Variants in PCSK9 observed in about 807,000 individuals in gnomAD.
PCSK9 encodes the protein proprotein convertase subtilisin/kexin type 9.
Under a neutral mutation model 62.1 loss-of-function variants are expected in PCSK9, and 57 were observed. The observed-to-expected ratio is 0.92, with a 90% confidence interval of 0.74 to 1.14. The LOEUF (loss-of-function observed/expected upper bound fraction) is 1.14. Among genes scored for constraint, PCSK9 ranks in the 50% most tolerant of loss-of-function variants. The pLI, the probability that PCSK9 is intolerant of heterozygous loss-of-function variation, is 0.00. For synonymous variants in PCSK9, 387 were observed against 409.4 expected (o/e 0.95, Z 0.66); for missense variants, 870 against 959.8 (o/e 0.91, Z 1.24).
At chr1:55,061,860 C>G (rs1221714120) in intron 11 of PCSK9, among the ~76,000 whole-genome samples, 1 of 152,196 alleles carries the variant, frequency 6.6e-6, no homozygotes, top group East Asian at 1.9e-4. Flanking sequence ...ATTGATTGAT[C>G]TATTTTTTTC....
Position 55,046,591 on chromosome 1 carries a change from G to A in PCSK9, c.468G>A (p.Trp156Ter), listed in dbSNP as rs1557500771. Residue 156 changes from tryptophan to a stop codon, truncating the protein, a stop_gained, in exon 3 of 12, where the codon TGG becomes TGA. Coordinates refer to ENST00000302118, the MANE Select transcript of PCSK9 (RefSeq NM_174936.4). LOFTEE classifies it high-confidence loss of function. ...CTGTCTTTGCCCAGAGCATCCCGTGGAACCTGGAGCGGATTACCCCTCCAC... is the reference window on the plus strand; with the variant it reads ...CTGTCTTTGCCCAGAGCATCCCGTGAAACCTGGAGCGGATTACCCCTCCAC... ...DSSVFAQSIP[W>*]NLERITPPRY... 3 of 1,614,182 alleles carry A rather than the reference G, an allele frequency of 1.9e-6. No homozygotes were observed. The highest frequency in any genetic ancestry group is 2.5e-6 in the Non-Finnish European group (3 of 1,180,044).
chr1:55,054,594 A>G (rs1391133306), intron 5 of PCSK9, among the ~76,000 whole-genome samples: 3 of 152,132 alleles, frequency 2.0e-5, no homozygotes, highest in Non-Finnish European at 4.4e-5. Flanking sequence ...CCCACACCTC[A>G]TTTGACAGGG....
chr1:55,047,215 C>T (rs1376138324), intron 3 of PCSK9, among the ~76,000 whole-genome samples: 1 of 152,158 alleles, frequency 6.6e-6, no homozygotes, highest in East Asian at 1.9e-4. Context: ...GGAGGAGGAG[C>T]GGCCATGGAA....
intron 3 of PCSK9, among the ~76,000 whole-genome samples, chr1:55,047,786 T>C (rs1381798470): frequency 1.3e-5 from 2 of 152,152 alleles, no homozygotes; most frequent in African/African-American, 2.4e-5. Flanking sequence ...GTCGGTCATG[T>C]GTGCTGACCC....
At chr1:55,051,992 GATATTC>G (rs1644677618) in intron 3 of PCSK9, 1 of 491,930 alleles carries the variant, frequency 2.0e-6, no homozygotes, top group Non-Finnish European at 3.7e-6. Context: ...GTTAGATATT[GATATTC>G]ATATGAAGGA....
Position 55,061,415 on chromosome 1 carries a change from C to A in PCSK9, c.1722C>A (p.His574Gln). Residue 574 changes from histidine to glutamine, a missense_variant, in exon 11 of 12, where the codon CAC becomes CAA. Transcript: ENST00000302118. ...SHWEVEDLGT[H>Q]KPPVLRPRGQ... ...GGGAGGTGGAGGACCTTGGCACCCA[C>A]AAGCCGCCTGTGCTGAGGCCACGAG... 1 of 1,610,660 alleles carries A rather than the reference C, an allele frequency of 6.2e-7. No individual in the cohort carries two copies.
rs539378519 is a variant in PCSK9 at position 55,059,987 on chromosome 1, AGAG to A, written c.1681+325_1681+327del. ...GGTGCAGTCCAGGAGAGGCAGCTCC[AGAG>A]AGAGGCCCCCGGCTGGGGCTGAAAG... On this transcript the variant is annotated intron_variant, in intron 10 of 11. Coordinates refer to ENST00000302118, the MANE Select transcript of PCSK9 (RefSeq NM_174936.4). Among the ~76,000 whole-genome samples, 4 of 152,212 alleles carry A rather than the reference AGAG, an allele frequency of 2.6e-5. No homozygotes were observed. In the South Asian group the frequency reaches 8.3e-4, roughly 31 times the overall value.
intron 3 of PCSK9, among the ~76,000 whole-genome samples, chr1:55,047,778 C>A (rs1044778636): frequency 1.3e-5 from 2 of 152,138 alleles, no homozygotes. Context: ...GGGGCCTGGT[C>A]GGTCATGTGT....
chr1:55,061,478 C>T lies in PCSK9; in HGVS notation c.1785C>T (p.Ser595=), dbSNP rs546209281. The part of the protein sequence containing the change: ...PNQCVGHREA[S]IHASCCHAPG... ...AGTGCGTGGGCCACAGGGAGGCCAGCATCCACGCTTCCTGCTGCCATGCCC... is the reference window on the plus strand; with the variant it reads ...AGTGCGTGGGCCACAGGGAGGCCAGTATCCACGCTTCCTGCTGCCATGCCC... The change falls in exon 11 of 12, where the codon AGC becomes AGT. Residue 595 remains serine (S), a synonymous_variant. Transcript: ENST00000302118. The T allele has an allele frequency of 1.2e-6, 2 of 1,606,352 alleles. No individual in the cohort carries two copies. The highest frequency in any genetic ancestry group is 1.1e-5 in the South Asian group (1 of 88,844).
chr1:55,062,278 G>A (rs1266912976), intron 11 of PCSK9, among the ~76,000 whole-genome samples: 1 of 152,230 alleles, frequency 6.6e-6, no homozygotes, highest in Non-Finnish European at 1.5e-5. Flanking sequence ...ACTCTTAAAT[G>A]AACTCAGAGT....
At chr1:55,057,708 A>G (rs1644725961) in intron 7 of PCSK9, among the ~76,000 whole-genome samples, 194 bp downstream of exon 7, 1 of 152,174 alleles carries the variant, frequency 6.6e-6, no homozygotes, top group African/African-American at 2.4e-5. Context: ...TCAGGGCTGT[A>G]TTAGAGGGAG....
intron 3 of PCSK9, among the ~76,000 whole-genome samples, chr1:55,048,128 C>T (rs1644647202): frequency 6.6e-6 from 1 of 152,168 alleles, no homozygotes; most frequent in South Asian, 2.1e-4. Flanking sequence ...GTCGGCAGGA[C>T]CACTTTCTCC....
At chr1:55,062,971 G>T (rs1354651882) in intron 11 of PCSK9, among the ~76,000 whole-genome samples, 2 of 152,092 alleles carry the variant, frequency 1.3e-5, no homozygotes, top group Non-Finnish European at 2.9e-5. Context: ...GAGCCTGCAG[G>T]CCTGGTGGGT....
chr1:55,044,603 G>T (rs1043207672), intron 2 of PCSK9, among the ~76,000 whole-genome samples: 1 of 127,420 alleles, frequency 7.8e-6, no homozygotes, highest in Non-Finnish European at 1.6e-5. Context: ...TTAAAAAAAC[G>T]TTTTTATTTG....
At position 55,052,275 on chromosome 1, in the gene PCSK9, A is replaced by C. The variant is rs765777205; in HGVS notation, c.524-3A>C. 1.2e-6 allele frequency: 2 copies of C among 1,613,992 alleles called. No homozygotes were observed. The highest frequency in any genetic ancestry group is 1.7e-6 in the Non-Finnish European group (2 of 1,180,018). ...CCTCTCCCACAAATGTCGCCTTGGA[A>C]AGACGGAGGCAGCCTGGTGGAGGTG... On this transcript the variant is annotated splice_region_variant and splice_polypyrimidine_tract_variant and intron_variant, in intron 3 of 11. Coordinates refer to ENST00000302118, the MANE Select transcript of PCSK9 (RefSeq NM_174936.4).
chr1:55,052,474 G>A lies in PCSK9; in HGVS notation c.657+63G>A, dbSNP rs1395512492. 12 of 1,611,944 alleles carry A rather than the reference G, an allele frequency of 7.4e-6. No individual in the cohort carries two copies. In the East Asian group the frequency reaches 2.0e-4, roughly 27 times the overall value. ...CATATCCCCATCCTGGAGGTGGGTGGGGACTGCCACCCCAGAGCGTTGCAG... is the reference window on the plus strand; with the variant it reads ...CATATCCCCATCCTGGAGGTGGGTGAGGACTGCCACCCCAGAGCGTTGCAG... On this transcript the variant is annotated intron_variant, in intron 4 of 11. Coordinates refer to ENST00000302118, the MANE Select transcript of PCSK9 (RefSeq NM_174936.4).
In PCSK9 at chr1:55,063,484, A is replaced by C. The variant is rs755522807; in HGVS notation, c.1979A>C (p.Asp660Ala). 134 of 1,613,828 alleles carry C rather than the reference A, an allele frequency of 8.3e-5. No individual in the cohort carries two copies. Among genetic ancestry groups the C allele is most frequent in the Non-Finnish European group, 1.1e-4 (124 of 1,179,868 alleles). Residue 660 changes from aspartate (D) to alanine (A), a missense_variant, in exon 12 of 12, where the codon GAC becomes GCC. Asp to Ala is a moderately radical substitution (Grantham distance 126, BLOSUM62 -2). Transcript: ENST00000302118. ...AACACGTGTGTAGTCAGGAGCCGGG[A>C]CGTCAGCACTACAGGCAGCACCAGC... ...VDNTCVVRSRDVSTTGSTSEG... is the reference protein window; with the variant it reads ...VDNTCVVRSRAVSTTGSTSEG...
rs1434110731 is a variant in PCSK9, at chr1:55,064,671, AC to A, written c.*1089del. 6.6e-6 allele frequency: 1 copy of A among 152,194 alleles called. No individual in the cohort carries two copies. Among genetic ancestry groups the A allele is most frequent in the Non-Finnish European group, 1.5e-5 (1 of 68,036 alleles). 9.4% of individuals were successfully genotyped at this position (152,194 alleles called of 1,614,324 possible). ...GGCCAACAACTGTCCCTCCTTGAGC[AC>A]CAGCCCCACCCAAGCAAGCAGACAT... On this transcript the variant is annotated 3_prime_UTR_variant, in exon 12 of 12. Coordinates refer to ENST00000302118, the MANE Select transcript of PCSK9 (RefSeq NM_174936.4).
chr1:55,058,607 G>T lies in PCSK9; in HGVS notation c.1463G>T (p.Ser488Ile), dbSNP rs1402213136. 6.2e-7 allele frequency: 1 copy of T among 1,611,884 alleles called. No homozygotes were observed. Among genetic ancestry groups the T allele is most frequent in the East Asian group, 2.2e-5 (1 of 44,848 alleles). The change falls in exon 9 of 12, where the codon AGT (serine) becomes ATT (isoleucine). Residue 488 changes from serine (S) to isoleucine (I), a missense_variant. Physicochemically the swap from Ser to Ile is moderately radical, Grantham distance 142. Coordinates refer to ENST00000302118, the MANE Select transcript of PCSK9 (RefSeq NM_174936.4). The stretch of plus-strand genomic sequence containing the variant: ...GATGAGGAGCTGCTGAGCTGCTCCA[G>T]TTTCTCCAGGAGTGGGAAGCGGCGG... ...APDEELLSCS[S>I]FSRSGKRRGE... is the part of the protein sequence containing the mutation.
Sources: gnomAD v4.1 joint callset for allele counts (sites outside exome capture counted in the v4.1 genomes callset) on GRCh38, gnomAD v4.1.1 for gene constraint, MANE v1.5 for transcripts, NCBI Gene and HGNC (gene_info 2026-07-23, HGNC 2026-07-21) for gene names.